Variants in SIGLEC12 observed in about 807,000 individuals in gnomAD.
The protein encoded by SIGLEC12 is sialic acid-binding Ig-like lectin 12.
Under a neutral mutation model 54.1 loss-of-function variants are expected in SIGLEC12, and 43 were observed. The observed-to-expected ratio is 0.80, with a 90% confidence interval of 0.62 to 1.03. The LOEUF is 1.03. Among genes scored for constraint, SIGLEC12 ranks in the 50% least tolerant of loss-of-function variants. SIGLEC12 has a pLI of 0.00. For missense variants in SIGLEC12, 802 were observed against 735.2 expected, an observed-to-expected ratio of 1.09 and a Z score of -1.05; for synonymous variants, 357 against 307.6, an observed-to-expected ratio of 1.16 and a Z score of -1.68.
intron 7 of SIGLEC12, among the ~76,000 whole-genome samples, chr19:51,492,142 G>A (rs1275529637): frequency 6.6e-6 from 1 of 152,276 alleles, no homozygotes; most frequent in African/African-American, 2.4e-5. Context: ...ACCCAATCCA[G>A]TCAGTTCCTT....
chr19:51,500,467 G>A, intron 1 of SIGLEC12, 167 bp from the exon 2 acceptor site: 1 of 1,246,228 alleles, frequency 8.0e-7, no homozygotes, highest in Non-Finnish European at 1.1e-6. Flanking sequence ...GGGCTGGAGA[G>A]GAGCTGGAGA....
intron 7 of SIGLEC12, among the ~76,000 whole-genome samples, chr19:51,496,663 G>A (rs1011226787): frequency 6.6e-6 from 1 of 152,118 alleles, no homozygotes; most frequent in African/African-American, 2.4e-5. Flanking sequence ...GCAGGGAGGT[G>A]AGGAGGTCCC....
chr19:51,498,856 T>A (rs16982740), intron 4 of SIGLEC12, among the ~76,000 whole-genome samples: 29,160 of 152,134 alleles, frequency 0.19, 2,916 homozygotes, highest in Middle Eastern at 0.27. Flanking sequence ...AGAATATACC[T>A]CAGAACTATT....
Position 51,501,704 on chromosome 19 carries a change from G to T in SIGLEC12, c.30C>A (p.Pro10=), listed in dbSNP as rs200523709. The T allele has an allele frequency of 4.3e-5, 69 of 1,611,688 alleles. 1 individual carries two copies. Among genetic ancestry groups the T allele is most frequent in the East Asian group, 4.5e-5 (2 of 44,828 alleles). ...TAGCCCCCACTCTCCCACAGAGCAG[G>T]GGTGGCAGCAGTAGCAGCAGCAGTA... MLLLLLLLP[P]LLCGRVGAKE... is the part of the protein sequence containing the mutation. The change falls in exon 1 of 8, where the codon CCC becomes CCA. Residue 10 remains proline (P), a synonymous_variant. Coordinates refer to ENST00000291707, the MANE Select transcript of SIGLEC12 (RefSeq NM_053003.4).
At chr19:51,500,505 C>A (rs1322063704) in intron 1 of SIGLEC12, 2 of 804,470 alleles carry the variant, frequency 2.5e-6, no homozygotes, top group East Asian at 2.7e-5. Flanking sequence ...AGAGAAACTG[C>A]AAACCCACAT....
chr19:51,501,546 C>T lies in SIGLEC12; in HGVS notation c.188G>A (p.Trp63Ter), dbSNP rs754297001. The change falls in exon 1 of 8, where the codon TGG becomes TAG. Residue 63 changes from tryptophan (W) to a stop codon, truncating the protein, a stop_gained. Transcript: ENST00000291707. LOFTEE classifies it high-confidence loss of function. ...WTASDPVHGY[W>*]FRAGDHVSRN... ...GCTTACATGGTCCCCTGCCCGGAAC[C>T]AGTAGCCATGAACTGGATCGGAGGC... 6.2e-7 allele frequency: 1 copy of T among 1,613,882 alleles called. No homozygotes were observed. Among genetic ancestry groups the T allele is most frequent in the East Asian group, 2.2e-5 (1 of 44,862 alleles).
intron 7 of SIGLEC12, among the ~76,000 whole-genome samples, chr19:51,494,279 C>T (rs1990173583): frequency 6.6e-6 from 1 of 152,106 alleles, no homozygotes; most frequent in African/African-American, 2.4e-5. Context: ...AGCAGAGAAA[C>T]AACACAGTTT....
At chr19:51,491,852 G>A in intron 7 of SIGLEC12, 23 bp from the exon 8 acceptor site, 4 of 1,533,816 alleles carry the variant, frequency 2.6e-6, no homozygotes, top group Non-Finnish European at 3.5e-6. Flanking sequence ...AGAGAAGGGA[G>A]TCAGTGCAGA....
chr19:51,499,399 T>A, intron 3 of SIGLEC12, 39 bp downstream of exon 3: 1 of 1,545,748 alleles, frequency 6.5e-7, no homozygotes, highest in East Asian at 2.3e-5. Flanking sequence ...CCTCAAGGAA[T>A]CCCGATCAAA....
At position 51,499,989 on chromosome 19, in the gene SIGLEC12, A is replaced by G; in HGVS notation, c.739T>C (p.Tyr247His). The change falls in exon 2 of 8, where the codon TAC (tyrosine) becomes CAC (histidine). Residue 247 changes from tyrosine to histidine, a missense_variant. By Grantham distance (83) the Tyr-to-His change is moderately conservative (BLOSUM62 2). Coordinates refer to ENST00000291707, the MANE Select transcript of SIGLEC12 (RefSeq NM_053003.4). The part of the protein sequence containing the change: ...DARKGDSGKY[Y>H]FQVERGSRKW... ...CTGCTTCCTCTCTCCACCTGGAAGT[A>G]GTACTTCCCTGAATCCCCCTTCCTG... The G allele has an allele frequency of 6.2e-7, 1 of 1,614,178 alleles. No homozygotes were observed. Among genetic ancestry groups the G allele is most frequent in the Non-Finnish European group, 8.5e-7 (1 of 1,180,012 alleles).
chr19:51,491,759 G>T lies in SIGLEC12; in HGVS notation c.1670C>A (p.Ser557Tyr). 2 of 1,612,208 alleles carry T rather than the reference G, an allele frequency of 1.2e-6. No individual in the cohort carries two copies. Among genetic ancestry groups the T allele is most frequent in the Non-Finnish European group, 1.7e-6 (2 of 1,178,900 alleles). Reference sequence around the variant, plus strand: ...ATACTGGATCTCTCCTTCCTCTGGGGAGGGGGTGGCCAGGGCTGGCGGAGC... The same window carrying T: ...ATACTGGATCTCTCCTTCCTCTGGGTAGGGGGTGGCCAGGGCTGGCGGAGC... ...HHAPPALATP[S>Y]PEEGEIQYAS... The change falls in exon 8 of 8, where the codon TCC becomes TAC. Residue 557 changes from serine to tyrosine, a missense_variant. Coordinates refer to ENST00000291707, the MANE Select transcript of SIGLEC12 (RefSeq NM_053003.4).
Position 51,501,497 on chromosome 19 carries a change from G to T in SIGLEC12, c.237C>A (p.Asn79Lys), listed in dbSNP as rs577133100. Reference protein sequence around the residue: ...HVSRNIPVATNNPARAVQEET... With the variant: ...HVSRNIPVATKNPARAVQEET... ...CCTCCTGCACTGCTCGAGCTGGGTT[G>T]TTTGTGGCCACTGGAATGTTCCGGC... The change falls in exon 1 of 8, where the codon AAC becomes AAA. Residue 79 changes from asparagine to lysine, a missense_variant. Transcript: ENST00000291707. 9.1e-5 allele frequency: 146 copies of T among 1,612,826 alleles called. 2 individuals carry two copies. In the South Asian group the frequency reaches 9.8e-4, roughly 11 times the overall value.
rs141817270 is a variant in SIGLEC12, at chr19:51,501,636, G to T, written c.98C>A (p.Thr33Lys). Reference sequence around the variant, plus strand: ...AGAGACACACAGGCCCTCCTGCACCGTCACGGACTTCTGCATTGTCAGCAG... The same window carrying T: ...AGAGACACACAGGCCCTCCTGCACCTTCACGGACTTCTGCATTGTCAGCAG... ...DYLLTMQKSV[T>K]VQEGLCVSVL... The change falls in exon 1 of 8, where the codon ACG becomes AAG. Residue 33 changes from threonine (T) to lysine (K), a missense_variant. By Grantham distance (78) the Thr-to-Lys change is moderately conservative (BLOSUM62 -1). Coordinates refer to ENST00000291707, the MANE Select transcript of SIGLEC12 (RefSeq NM_053003.4). 4 of 1,614,176 alleles carry T rather than the reference G, an allele frequency of 2.5e-6. No individual in the cohort carries two copies. The highest frequency in any genetic ancestry group is 3.4e-6 in the Non-Finnish European group (4 of 1,180,022).
chr19:51,491,628 T>C lies in SIGLEC12; in HGVS notation c.*13A>G, dbSNP rs2122200017. The C allele has an allele frequency of 6.2e-7, 1 of 1,613,700 alleles. No homozygotes were observed. The highest frequency in any genetic ancestry group is 1.3e-5 in the African/African-American group (1 of 74,968). On this transcript the variant is annotated 3_prime_UTR_variant, in exon 8 of 8. Coordinates refer to ENST00000291707, the MANE Select transcript of SIGLEC12 (RefSeq NM_053003.4). ...TCGTGAGCCCTCAAACAGGCCTGAG[T>C]CTCTGCAGTTTCTCACTTGGGGATG...
chr19:51,500,300 G>C lies in SIGLEC12; in HGVS notation c.428C>G (p.Ala143Gly). The change falls in exon 2 of 8, where the codon GCG (alanine) becomes GGG (glycine). Residue 143 changes from alanine (A) to glycine (G), a missense_variant and splice_region_variant. Coordinates refer to ENST00000291707, the MANE Select transcript of SIGLEC12 (RefSeq NM_053003.4). ...GTATCTTGACAGTAGGTCCTGGGAC[G>C]CTGTGGAGAAACGAGGGTCAGCCCA... ...KYDQLSVNVT[A>G]SQDLLSRYRL... 6.2e-7 allele frequency: 1 copy of C among 1,614,154 alleles called. No homozygotes were observed. The highest frequency in any genetic ancestry group is 1.1e-5 in the South Asian group (1 of 91,080).
chr19:51,491,556 G>C lies in SIGLEC12; in HGVS notation c.*85C>G. 2 of 1,295,202 alleles carry C rather than the reference G, an allele frequency of 1.5e-6. No homozygotes were observed. Among genetic ancestry groups the C allele is most frequent in the Admixed American group, 3.5e-5 (2 of 57,486 alleles). The allele number at this position is 1,295,202 out of a possible 1,614,324, so 80.2% of individuals were successfully genotyped here. On this transcript the variant is annotated 3_prime_UTR_variant, in exon 8 of 8. Coordinates refer to ENST00000291707, the MANE Select transcript of SIGLEC12 (RefSeq NM_053003.4). ...GATGTCCTGTTGCACAGCATGGAGG[G>C]CTGTTAATTCTAAAGGAATCAGTCT... is the stretch of plus-strand genomic sequence containing the variant.
At chr19:51,497,974 G>A (rs1368541109) in intron 5 of SIGLEC12, 44 bp downstream of exon 5, 1 of 1,606,054 alleles carries the variant, frequency 6.2e-7, no homozygotes, top group Non-Finnish European at 8.5e-7. Flanking sequence ...GACCCTGAGG[G>A]TGGGACATGT....
rs950834306 is a variant in SIGLEC12, at chr19:51,499,182, C to T, written c.1123G>A (p.Gly375Arg). The T allele has an allele frequency of 2.5e-6, 4 of 1,613,966 alleles. No homozygotes were observed. The highest frequency in any genetic ancestry group is 1.7e-5 in the Admixed American group (1 of 60,002). ...PQNLTMTVFQ[G>R]DGTASTTLRN... Reference sequence around the variant, plus strand: ...GACTCCATCTTACCTGTGCCATCTCCTTGGAAGACAGTCATGGTCAAGTTC... The same window carrying T: ...GACTCCATCTTACCTGTGCCATCTCTTTGGAAGACAGTCATGGTCAAGTTC... The change falls in exon 4 of 8, where the codon GGA (glycine) becomes AGA (arginine). Residue 375 changes from glycine to arginine, a missense_variant. Physicochemically the swap from Gly to Arg is moderately radical, Grantham distance 125. Transcript: ENST00000291707.
chr19:51,497,497 C>T, intron 5 of SIGLEC12, 52 bp from the exon 6 acceptor site: 2 of 1,361,044 alleles, frequency 1.5e-6, no homozygotes, highest in Non-Finnish European at 1.0e-6. Context: ...AACTGGGCCT[C>T]TTCTCCTCCC....
Sources: gnomAD v4.1 joint callset for allele counts (sites outside exome capture counted in the v4.1 genomes callset) on GRCh38, gnomAD v4.1.1 for gene constraint, MANE v1.5 for transcripts, NCBI Gene and HGNC (gene_info 2026-07-23, HGNC 2026-07-21) for gene names.